Variants in COL6A5 observed in about 807,000 individuals in gnomAD.
COL6A5 encodes the protein collagen type VI alpha 5 chain, also known as collagen alpha-5(VI) chain.
Under a neutral mutation model 65.6 loss-of-function variants are expected in COL6A5, and 48 were observed. That is an observed-to-expected ratio of 0.73 (90% CI 0.58 to 0.93). The LOEUF (loss-of-function observed/expected upper bound fraction) is 0.93. Among genes scored for constraint, COL6A5 ranks in the 40% least tolerant of loss-of-function variants. The pLI is 0.00. For missense variants in COL6A5, 914 were observed against 928.3 expected (o/e 0.98, Z 0.20); for synonymous variants, 291 against 322.8 (o/e 0.90, Z 1.05).
intron 4 of COL6A5, among the ~76,000 whole-genome samples, chr3:130,450,443 G>A (rs1429031944): frequency 1.3e-5 from 2 of 152,100 alleles, no homozygotes; most frequent in Non-Finnish European, 2.9e-5. Context: ...AGTATAGCAG[G>A]CTCCAAGAGA....
intron 4 of COL6A5, among the ~76,000 whole-genome samples, chr3:130,447,846 C>T (rs927300381): frequency 2.0e-5 from 3 of 152,132 alleles, no homozygotes; most frequent in African/African-American, 7.2e-5. Flanking sequence ...ATTGCCATTA[C>T]TGGAGCCATC....
intron 1 of COL6A5, among the ~76,000 whole-genome samples, chr3:130,438,473 A>G (rs937626288): frequency 1.3e-5 from 2 of 152,364 alleles, no homozygotes; most frequent in Non-Finnish European, 2.9e-5. Flanking sequence ...TTGGTTTACC[A>G]GGTCAACATC....
intron 8 of COL6A5, among the ~76,000 whole-genome samples, chr3:130,395,977 C>T (rs1018500922): frequency 2.0e-5 from 3 of 152,084 alleles, no homozygotes; most frequent in African/African-American, 7.2e-5. Context: ...TACTAAAGAT[C>T]TGAATTGTCT....
intron 4 of COL6A5, among the ~76,000 whole-genome samples, chr3:130,448,402 A>G (rs139982026): frequency 1.8e-4 from 27 of 152,312 alleles, no homozygotes; most frequent in African/African-American, 6.3e-4. Context: ...GACAGCACAT[A>G]GGTCGGAATG....
upstream of COL6A5, among the ~76,000 whole-genome samples, chr3:130,428,605 C>T (rs569725046): frequency 2.0e-5 from 3 of 152,252 alleles, no homozygotes; most frequent in East Asian, 1.9e-4. Flanking sequence ...TCAAACCCAG[C>T]GGGGTTTCTG....
chr3:130,362,539 A>G (rs1935179983), intron 1 of COL6A5, among the ~76,000 whole-genome samples: 1 of 151,852 alleles, frequency 6.6e-6, no homozygotes, highest in African/African-American at 2.4e-5. Context: ...CTGTAGCTTT[A>G]CAGAAGGTCT....
intron 1 of COL6A5, among the ~76,000 whole-genome samples, chr3:130,362,294 A>C (rs1443261592): frequency 5.1e-4 from 1 of 1,968 alleles, no homozygotes; most frequent in East Asian, 5.1e-3. Context: ...TTCTCCATAT[A>C]TATATATATA....
chr3:130,470,178 G>A (rs965846320), intron 6 of COL6A5, among the ~76,000 whole-genome samples: 1 of 152,154 alleles, frequency 6.6e-6, no homozygotes, highest in East Asian at 1.9e-4. Flanking sequence ...GGGCTTTAAG[G>A]GTGGCTGCCC....
chr3:130,440,978 T>C (rs537330551), intron 3 of COL6A5, among the ~76,000 whole-genome samples, 153 bp downstream of exon 35: 1 of 152,340 alleles, frequency 6.6e-6, no homozygotes, highest in South Asian at 2.1e-4. Context: ...TTGCTGGTTA[T>C]ACCCTGTTTA....
rs145964846 is a variant in COL6A5, at chr3:130,398,409, C to T, written c.3991+298C>T. On this transcript the variant is annotated intron_variant and NMD_transcript_variant, in intron 10 of 41. Transcript: ENST00000312481. ...CCTCCCAAAGTGCTGGGATTGCAGG[C>T]GTGAGCCACCGCGCCCAGCCGAGTT... 3.1e-3 allele frequency among the ~76,000 whole-genome samples: 473 copies of T among 152,192 alleles called. 2 individuals carry two copies. Among genetic ancestry groups the T allele is most frequent in the African/African-American group, 0.011 (439 of 41,536 alleles).
chr3:130,403,570 G>A (rs1936884803), intron 12 of COL6A5, 39 bp from the exon 13 acceptor site: 1 of 1,520,372 alleles, frequency 6.6e-7, no homozygotes, highest in East Asian at 2.5e-5. Context: ...TTTATTGGGG[G>A]GGGGTGACTA....
chr3:130,400,628 A>G (rs1936782558), intron 10 of COL6A5, among the ~76,000 whole-genome samples: 1 of 152,192 alleles, frequency 6.6e-6, no homozygotes, highest in African/African-American at 2.4e-5. Flanking sequence ...AATTATCATT[A>G]ATGTACATTC....
At chr3:130,477,578 C>T (rs1433932793) in intron 7 of COL6A5, among the ~76,000 whole-genome samples, 1 of 152,034 alleles carries the variant, frequency 6.6e-6, no homozygotes, top group Non-Finnish European at 1.5e-5. Context: ...CCAATATCAA[C>T]TGTAGTGTTT....
At chr3:130,448,147 A>C (rs1399306958) in intron 4 of COL6A5, among the ~76,000 whole-genome samples, 2 of 152,148 alleles carry the variant, frequency 1.3e-5, no homozygotes, top group Non-Finnish European at 2.9e-5. Flanking sequence ...TAAACACACA[A>C]AGTTTTTAAC....
At chr3:130,376,765 C>T (rs746721835) in exon 3 of COL6A5, 2 of 1,613,644 alleles carry the variant, frequency 1.2e-6, no homozygotes, top group Non-Finnish European at 1.7e-6. Flanking sequence ...AGCACATTTT[C>T]CCAAAACATG....
In COL6A5 at chr3:130,438,366, G is replaced by T. The variant is rs567389177; in HGVS notation, c.488-1156G>T. On this transcript the variant is annotated intron_variant, in intron 1 of 7. Transcript: ENST00000512836. ...CTAGAACTACACCTATAACATTGTA[G>T]GCATTCAATAAATATTTGTTGAATG... Among the ~76,000 whole-genome samples, 5 of 152,190 alleles carry T rather than the reference G, an allele frequency of 3.3e-5. No homozygotes were observed. In the East Asian group the frequency reaches 9.7e-4, roughly 29 times the overall value.
chr3:130,440,633 A>G (rs376312501), exon 3 of COL6A5: 3 of 1,613,382 alleles, frequency 1.9e-6, no homozygotes, highest in Non-Finnish European at 2.5e-6. Flanking sequence ...ATTTGTAAAA[A>G]TGATGGCTTT....
intron 4 of COL6A5, among the ~76,000 whole-genome samples, chr3:130,453,477 T>C (rs1215448035): frequency 2.6e-5 from 4 of 152,136 alleles, no homozygotes; most frequent in Admixed American, 6.5e-5. Context: ...TATTACGGCC[T>C]ACCCAAGATC....
intron 13 of COL6A5, among the ~76,000 whole-genome samples, 161 bp downstream of exon 13, chr3:130,403,823 A>C (rs1213002308): frequency 6.6e-6 from 1 of 151,994 alleles, no homozygotes; most frequent in Non-Finnish European, 1.5e-5. Context: ...TTATATGTTG[A>C]TATGTTTATT....
Sources: allele counts gnomAD v4.1 joint callset (sites outside exome capture counted in the v4.1 genomes callset), GRCh38; gene constraint gnomAD v4.1.1; transcripts MANE v1.5; gene names NCBI Gene and HGNC (gene_info 2026-07-23, HGNC 2026-07-21).